Variants in COL9A2 observed in about 807,000 individuals in gnomAD.
The protein encoded by COL9A2 is collagen alpha-2(IX) chain.
COL9A2 carries 66 observed loss-of-function variants against 111.6 expected under a neutral mutation model. The ratio of observed to expected loss-of-function variants is 0.59; its 90% CI spans 0.48 to 0.73. COL9A2 has a LOEUF of 0.73. Ranked by LOEUF, COL9A2 falls within the 30% of genes least tolerant of loss-of-function variation. The pLI is 0.00. For synonymous variants in COL9A2, 353 were observed against 364.1 expected (o/e 0.97, Z 0.35); for missense variants, 881 against 954.1 (o/e 0.92, Z 1.01).
chr1:40,317,129 C>A lies in COL9A2; in HGVS notation c.69G>T (p.Ala23=), dbSNP rs1336421773. ...VLLQVVVLAL[A]QIRGPPGERG... is the part of the protein sequence containing the mutation. ...GAGGGGCTGCGAAACTTACAATCTGCGCCAGAGCGAGCACTACCACCTGGA... is the reference window on the plus strand; with the variant it reads ...GAGGGGCTGCGAAACTTACAATCTGAGCCAGAGCGAGCACTACCACCTGGA... Residue 23 remains alanine, a synonymous_variant, in exon 1 of 32, where the codon GCG becomes GCT. Coordinates refer to ENST00000372748, the MANE Select transcript of COL9A2 (RefSeq NM_001852.4). The surrounding 1 kb of genome is among the most constrained non-coding windows in gnomAD (Gnocchi z 4.3). 2 of 1,577,274 alleles carry A rather than the reference C, an allele frequency of 1.3e-6. No homozygotes were observed. The highest frequency in any genetic ancestry group is 1.7e-6 in the Non-Finnish European group (2 of 1,162,008).
At chr1:40,306,538 T>C (rs1644032932) in intron 19 of COL9A2, among the ~76,000 whole-genome samples, 4 of 152,174 alleles carry the variant, frequency 2.6e-5, no homozygotes, top group Admixed American at 2.6e-4. Context: ...CAGGCTCCCA[T>C]GGACTGGACT....
chr1:40,310,974 G>A lies in COL9A2; in HGVS notation c.630+119C>T, dbSNP rs969389276. ...CCTGGAGCACAGGCCTCCAGCCCCC[G>A]GCTCAAGGCTCTGTCCCCAGAACCC... is the stretch of plus-strand genomic sequence containing the variant. On this transcript the variant is annotated intron_variant, in intron 12 of 31. Coordinates refer to ENST00000372748, the MANE Select transcript of COL9A2 (RefSeq NM_001852.4). The surrounding 1 kb of genome is among the most constrained non-coding windows in gnomAD (Gnocchi z 4.9). 1.7e-5 allele frequency: 23 copies of A among 1,389,568 alleles called. No individual in the cohort carries two copies. In the South Asian group the frequency reaches 1.9e-4, roughly 11 times the overall value. The allele number at this position is 1,389,568 out of a possible 1,614,324, so 86.1% of individuals were successfully genotyped here.
rs746019124 is a variant in COL9A2, at chr1:40,301,163, C to G, written c.*19G>C. On this transcript the variant is annotated 3_prime_UTR_variant, in exon 32 of 32. Coordinates refer to ENST00000372748, the MANE Select transcript of COL9A2 (RefSeq NM_001852.4). ...CCTTCCCGCCAGGATGCCTGCCAGG[C>G]TCTGTCTGGGCCTGATGCTCAAGGC... 1 of 1,612,344 alleles carries G rather than the reference C, an allele frequency of 6.2e-7. No individual in the cohort carries two copies. The highest frequency in any genetic ancestry group is 8.5e-7 in the Non-Finnish European group (1 of 1,179,870).
Position 40,303,693 on chromosome 1 carries a change from G to A in COL9A2, c.1402-17C>T, listed in dbSNP as rs1643955245. The stretch of plus-strand genomic sequence containing the variant: ...TACTCCTTGCTGCGGGGGGATGGGG[G>A]TGGGAGCAGAGCCGGGTGAGAAGGC... On this transcript the variant is annotated splice_polypyrimidine_tract_variant and intron_variant, in intron 27 of 31. Coordinates refer to ENST00000372748, the MANE Select transcript of COL9A2 (RefSeq NM_001852.4). The surrounding 1 kb of genome is among the most constrained non-coding windows in gnomAD (Gnocchi z 4.6). 1 of 1,550,792 alleles carries A rather than the reference G, an allele frequency of 6.4e-7. No individual in the cohort carries two copies. The highest frequency in any genetic ancestry group is 1.4e-5 in the African/African-American group (1 of 72,760).
intron 1 of COL9A2, 172 bp from the exon 2 acceptor site, chr1:40,315,836 T>C (rs1557807169): frequency 3.7e-6 from 2 of 540,996 alleles, no homozygotes; most frequent in South Asian, 2.7e-5. Flanking sequence ...CATGCATTCA[T>C]TATCTTACAG....
At chr1:40,301,753 C>T (rs1042516104) in intron 31 of COL9A2, 59 bp downstream of exon 31, 1 of 1,532,242 alleles carries the variant, frequency 6.5e-7, no homozygotes, top group South Asian at 1.1e-5. Flanking sequence ...GCAGTGTCCA[C>T]ACGTCATTAA....
At position 40,301,049 on chromosome 1, in the gene COL9A2, T is replaced by C. The variant is rs2124029581; in HGVS notation, c.*133A>G. 1.1e-6 allele frequency: 1 copy of C among 922,198 alleles called. No homozygotes were observed. The highest frequency in any genetic ancestry group is 1.7e-6 in the Non-Finnish European group (1 of 592,142). 57.1% of individuals were successfully genotyped at this position (922,198 alleles called of 1,614,324 possible). ...CCCATGTTTTAGAATTCCTTTTCCT[T>C]AGGACTCCTGAGTCCCAGACAGAAG... On this transcript the variant is annotated 3_prime_UTR_variant, in exon 32 of 32. Transcript: ENST00000372748.
At position 40,311,383 on chromosome 1, in the gene COL9A2, C is replaced by T; in HGVS notation, c.520-97G>A. 1 of 1,566,486 alleles carries T rather than the reference C, an allele frequency of 6.4e-7. No individual in the cohort carries two copies. Among genetic ancestry groups the T allele is most frequent in the Non-Finnish European group, 8.7e-7 (1 of 1,147,314 alleles). On this transcript the variant is annotated intron_variant, in intron 10 of 31. Transcript: ENST00000372748. This position sits in a 1 kb window ranked among gnomAD's most constrained non-coding sequence, Gnocchi z 5.1. ...CTCTCCTCCGCCTCACCTGGTGGAA[C>T]CCCTGCACTGCAGCCCCTCCCCATC...
rs903845090 is a variant in COL9A2 at position 40,307,369 on chromosome 1, GC to G, written c.1008+76del. ...GGCAAGAGGTGGTGATTGAGCAAGA[GC>G]CCCGGGTGTGTGTGGATTCTAACCT... On this transcript the variant is annotated intron_variant, in intron 19 of 31. Transcript: ENST00000372748. This position sits in a 1 kb window ranked among gnomAD's most constrained non-coding sequence, Gnocchi z 4.8. 2.8e-5 allele frequency: 40 copies of G among 1,403,752 alleles called. No homozygotes were observed. Among genetic ancestry groups the G allele is most frequent in the Non-Finnish European group, 3.8e-5 (38 of 1,004,290 alleles). 87.0% of individuals were successfully genotyped at this position (1,403,752 alleles called of 1,614,324 possible). A position where few individuals can be genotyped will look rare whatever the true frequency, so the allele number is the denominator to read the frequency against.
intron 16 of COL9A2, among the ~76,000 whole-genome samples, chr1:40,309,215 G>A (rs1644077224): frequency 6.6e-6 from 1 of 151,848 alleles, no homozygotes; most frequent in Non-Finnish European, 1.5e-5. Flanking sequence ...ACTCCAGCCT[G>A]GGCAACAAGA....
chr1:40,301,990 T>A (rs1026790340), intron 30 of COL9A2, 101 bp from the exon 31 acceptor site: 30 of 1,196,248 alleles, frequency 2.5e-5, no homozygotes, highest in African/African-American at 1.4e-4. Context: ...TGTTTTGTGC[T>A]AGTTTGTAAT....
Position 40,301,840 on chromosome 1 carries a change from G to A in COL9A2, c.1842C>T (p.Pro614=), listed in dbSNP as rs763724733. The change falls in exon 31 of 32, where the codon CCC becomes CCT. Residue 614 remains proline, a synonymous_variant. Transcript: ENST00000372748. ...GDPGEVGRGH[P]GMPGPPGIPG... is the part of the protein sequence containing the mutation. ...GGATCCCTGGGGGCCCAGGCATCCC[G>A]GGGTGCCCCCGTCCCACTTCTCCTG... 2.9e-5 allele frequency: 47 copies of A among 1,613,956 alleles called. No individual in the cohort carries two copies. Among genetic ancestry groups the A allele is most frequent in the East Asian group, 6.7e-5 (3 of 44,900 alleles).
At chr1:40,308,378 G>T (rs553664907) in intron 16 of COL9A2, 133 bp from the exon 17 acceptor site, 31 of 921,372 alleles carry the variant, frequency 3.4e-5, no homozygotes, top group Admixed American at 1.6e-4. Context: ...CCATGCAGGG[G>T]CCGGAGGAGA....
rs1460653528 is a variant in COL9A2, at chr1:40,303,896, G to T, written c.1368+32C>A. The stretch of plus-strand genomic sequence containing the variant: ...CGCGGGGACCCCGGGGCCAGCCGCC[G>T]CTCCCCGCCCTTCCCTAGGCCGCGC... On this transcript the variant is annotated intron_variant, in intron 26 of 31. Coordinates refer to ENST00000372748, the MANE Select transcript of COL9A2 (RefSeq NM_001852.4). The surrounding 1 kb of genome is among the most constrained non-coding windows in gnomAD (Gnocchi z 4.6). The T allele has an allele frequency of 1.2e-5, 19 of 1,549,860 alleles. No individual in the cohort carries two copies. The highest frequency in any genetic ancestry group is 1.7e-5 in the Non-Finnish European group (19 of 1,146,696).
intron 20 of COL9A2, 141 bp downstream of exon 20, chr1:40,306,002 G>A: frequency 1.1e-6 from 1 of 942,698 alleles, no homozygotes; most frequent in East Asian, 2.5e-5. Flanking sequence ...ATGGGTGGGA[G>A]GTGGCAGGAG....
In COL9A2 at chr1:40,304,309, C is replaced by T. The variant is rs1329720787; in HGVS notation, c.1287+11G>A. On this transcript the variant is annotated intron_variant, in intron 24 of 31. Transcript: ENST00000372748. ...CCCCTTTCCCAGGTGTTTCCCAGCC[C>T]CATCTGGCACCTTGTCTCCTTTGAC... 2 of 1,555,034 alleles carry T rather than the reference C, an allele frequency of 1.3e-6. No individual in the cohort carries two copies. Among genetic ancestry groups the T allele is most frequent in the Admixed American group, 1.9e-5 (1 of 51,340 alleles).
chr1:40,312,230 C>T lies in COL9A2; in HGVS notation c.364-118G>A. On this transcript the variant is annotated intron_variant, in intron 7 of 31. Transcript: ENST00000372748. The surrounding 1 kb of genome is among the most constrained non-coding windows in gnomAD (Gnocchi z 6.0). ...ACTTTTACTTTTTTTTTTTTTTTGCCAACCCCAGAGAGACTGACAGACTGA... is the reference window on the plus strand; with the variant it reads ...ACTTTTACTTTTTTTTTTTTTTTGCTAACCCCAGAGAGACTGACAGACTGA... The T allele has an allele frequency of 1.0e-6, 1 of 994,758 alleles. No homozygotes were observed. The highest frequency in any genetic ancestry group is 1.5e-6 in the Non-Finnish European group (1 of 658,716). 61.6% of individuals were successfully genotyped at this position (994,758 alleles called of 1,614,324 possible).
In COL9A2 at chr1:40,311,751, C is replaced by G; in HGVS notation, c.418-36G>C. The G allele has an allele frequency of 6.2e-7, 1 of 1,604,966 alleles. No homozygotes were observed. Among genetic ancestry groups the G allele is most frequent in the Non-Finnish European group, 8.5e-7 (1 of 1,172,616 alleles). On this transcript the variant is annotated intron_variant, in intron 8 of 31. Coordinates refer to ENST00000372748, the MANE Select transcript of COL9A2 (RefSeq NM_001852.4). This position sits in a 1 kb window ranked among gnomAD's most constrained non-coding sequence, Gnocchi z 5.1. ...AAGAAGCCCAAATCATACCCCTGAC[C>G]AGCCCTTACCAGCTTACCCTAGTGC... is the stretch of plus-strand genomic sequence containing the variant.
At position 40,300,872 on chromosome 1, in the gene COL9A2, G is replaced by A. The variant is rs1643904664; in HGVS notation, c.*310C>T. ...AGGACAAGATGGCCAGTGGAGAAAGGTGCAGATTAAGATGTTTGTTTTGGT... is the reference window on the plus strand; with the variant it reads ...AGGACAAGATGGCCAGTGGAGAAAGATGCAGATTAAGATGTTTGTTTTGGT... On this transcript the variant is annotated 3_prime_UTR_variant, in exon 32 of 32. Transcript: ENST00000372748. This position sits in a 1 kb window ranked among gnomAD's most constrained non-coding sequence, Gnocchi z 4.4. 1 of 343,578 alleles carries A rather than the reference G, an allele frequency of 2.9e-6. No individual in the cohort carries two copies. The highest frequency in any genetic ancestry group is 5.5e-6 in the Non-Finnish European group (1 of 181,830). 21.3% of individuals were successfully genotyped at this position (343,578 alleles called of 1,614,324 possible).
Sources: gnomAD v4.1 joint callset for allele counts (sites outside exome capture counted in the v4.1 genomes callset) on GRCh38, gnomAD v4.1.1 for gene constraint, Gnocchi (gnomAD v3.1) non-coding constraint, MANE v1.5 for transcripts, NCBI Gene and HGNC (gene_info 2026-07-23, HGNC 2026-07-21) for gene names.